ZCCHC2: variants seen among roughly 807,000 people sequenced by gnomAD.
ZCCHC2 encodes the protein zinc finger CCHC domain-containing protein 2.
A neutral mutation model predicts 103.6 loss-of-function variants in ZCCHC2; 39 were observed. The observed-to-expected ratio is 0.38, with a 90% CI of 0.29 to 0.49. The LOEUF (loss-of-function observed/expected upper bound fraction) is 0.49. ZCCHC2 is among the 20% of genes least tolerant of loss of function. The probability of loss-of-function intolerance (pLI) is 0.96; values close to 1 mark genes in which losing one functional copy is unlikely to be tolerated. For missense variants in ZCCHC2, 1,483 were observed against 1,491.0 expected, an observed-to-expected ratio of 0.99 and a Z score of 0.09; for synonymous variants, 687 against 608.9, an observed-to-expected ratio of 1.13 and a Z score of -1.89.
intron 11 of ZCCHC2, among the ~76,000 whole-genome samples, chr18:62,566,184 G>A (rs1010038701): frequency 2.6e-5 from 4 of 152,210 alleles, no homozygotes; most frequent in Non-Finnish European, 5.9e-5. Flanking sequence ...GGCAGAGGTT[G>A]CAATGAGCCA....
intron 6 of ZCCHC2, among the ~76,000 whole-genome samples, chr18:62,558,370 C>T (rs1386896978): frequency 6.6e-6 from 1 of 152,178 alleles, no homozygotes; most frequent in East Asian, 1.9e-4. Flanking sequence ...AAAACTGAAT[C>T]TTTACCACAC....
In ZCCHC2 at chr18:62,576,594, G is replaced by C; in HGVS notation, c.*15G>C. On this transcript the variant is annotated 3_prime_UTR_variant, in exon 14 of 14. Coordinates refer to ENST00000269499, the MANE Select transcript of ZCCHC2 (RefSeq NM_017742.6). ...CTGCAGACTGAAACGAGTAAAGCTT[G>C]CCTACTTAATACACTCAAGTGTGGG... 1 of 1,611,076 alleles carries C rather than the reference G, an allele frequency of 6.2e-7. No individual in the cohort carries two copies. The highest frequency in any genetic ancestry group is 8.5e-7 in the Non-Finnish European group (1 of 1,177,562).
intron 1 of ZCCHC2, 175 bp downstream of exon 1, chr18:62,524,538 G>T (rs913394384): frequency 1.9e-6 from 2 of 1,049,536 alleles, no homozygotes; most frequent in Admixed American, 3.7e-5. Context: ...GGGCCGCTCC[G>T]TTCCACTCCC....
At chr18:62,537,096 A>AT (rs1160581146) in intron 1 of ZCCHC2, among the ~76,000 whole-genome samples, 1 of 152,210 alleles carries the variant, frequency 6.6e-6, no homozygotes, top group Non-Finnish European at 1.5e-5. Flanking sequence ...GTCTCCAAAC[A>AT]TTCTATCATC....
At chr18:62,558,632 G>GT (rs1915989937) in intron 6 of ZCCHC2, 55 bp from the exon 7 acceptor site, 1 of 1,061,130 alleles carries the variant, frequency 9.4e-7, no homozygotes, top group Admixed American at 3.2e-5. Context: ...TATTATATTT[G>GT]TTTTCTTTAT....
chr18:62,572,169 G>T (rs1916622731), intron 12 of ZCCHC2, among the ~76,000 whole-genome samples: 1 of 152,134 alleles, frequency 6.6e-6, no homozygotes, highest in Non-Finnish European at 1.5e-5. Context: ...TCCTGCCTTG[G>T]CCTCCCAAAG....
chr18:62,551,587 A>G (rs993528760), intron 5 of ZCCHC2: 1 of 153,082 alleles, frequency 6.5e-6, no homozygotes, highest in Non-Finnish European at 1.5e-5. Flanking sequence ...GACAGGTGCC[A>G]TGGGAGTAAT....
chr18:62,570,201 A>C lies in ZCCHC2; in HGVS notation c.1945A>C (p.Ser649Arg). 6.2e-7 allele frequency: 1 copy of C among 1,611,686 alleles called. No homozygotes were observed. The highest frequency in any genetic ancestry group is 1.1e-5 in the South Asian group (1 of 90,400). ...PSSPRHDGRE[S>R]FESEEEKDRD... is the part of the protein sequence containing the mutation. ...TAGTCCCCGACATGATGGAAGAGAAAGTTTTGAAAGTGAAGAAGAGAAAGA... is the reference window on the plus strand; with the variant it reads ...TAGTCCCCGACATGATGGAAGAGAACGTTTTGAAAGTGAAGAAGAGAAAGA... Residue 649 changes from serine to arginine, a missense_variant, in exon 12 of 14, where the codon AGT (serine) becomes CGT (arginine). Transcript: ENST00000269499.
rs142697335 is a variant in ZCCHC2, at chr18:62,552,951, G to C, written c.1313+2491G>C. Among the ~76,000 whole-genome samples, 562 of 151,640 alleles carry C rather than the reference G, an allele frequency of 3.7e-3. 2 individuals carry two copies. The highest frequency in any genetic ancestry group is 0.013 in the African/African-American group (530 of 41,316). On this transcript the variant is annotated intron_variant, in intron 5 of 13. Coordinates refer to ENST00000269499, the MANE Select transcript of ZCCHC2 (RefSeq NM_017742.6). ...GTTAAAGCTTTTAGGATTCTCCTCA[G>C]CTTTGATCATACTTGGCCTCTTGTG...
intron 5 of ZCCHC2, 101 bp downstream of exon 5, chr18:62,550,561 T>G: frequency 1.2e-6 from 1 of 804,188 alleles, no homozygotes; most frequent in Non-Finnish European, 2.0e-6. Flanking sequence ...ATCCTTTCTC[T>G]GGCGTACTTC....
At chr18:62,555,808 CA>C (rs71160849) in intron 5 of ZCCHC2, among the ~76,000 whole-genome samples, 142 of 136,192 alleles carry the variant, frequency 1.0e-3, no homozygotes, top group Non-Finnish European at 8.7e-4. Flanking sequence ...AATTCAGTCT[CA>C]AAAAAAAAAA....
Position 62,570,294 on chromosome 18 carries a change from G to A in ZCCHC2, c.1975+63G>A, listed in dbSNP as rs137970511. On this transcript the variant is annotated intron_variant, in intron 12 of 13. Coordinates refer to ENST00000269499, the MANE Select transcript of ZCCHC2 (RefSeq NM_017742.6). ...GGGGTGGGGAAGTGGAGGGAAATGT[G>A]TGTTGTTTCTTCATGTCAAAGTCAA... 3.8e-5 allele frequency: 59 copies of A among 1,566,984 alleles called. No homozygotes were observed. In the African/African-American group the frequency reaches 6.1e-4, roughly 16 times the overall value.
chr18:62,524,419 C>A (rs1424233149), intron 1 of ZCCHC2, 56 bp downstream of exon 1: 3 of 1,426,482 alleles, frequency 2.1e-6, no homozygotes, highest in Non-Finnish European at 2.7e-6. Context: ...CCGGCGGCCT[C>A]CCCGGCCTCG....
intron 1 of ZCCHC2, among the ~76,000 whole-genome samples, chr18:62,536,372 C>G (rs34290411): frequency 0.18 from 27,819 of 152,186 alleles, 3,377 homozygotes; most frequent in Non-Finnish European, 0.27. Context: ...TTTCTTGATA[C>G]AAACAGAGAA....
chr18:62,527,993 C>T (rs947645673), intron 1 of ZCCHC2, among the ~76,000 whole-genome samples: 1 of 152,088 alleles, frequency 6.6e-6, no homozygotes, highest in Non-Finnish European at 1.5e-5. Context: ...GAGGTTTAGT[C>T]CCCAACTAGC....
In ZCCHC2 at chr18:62,560,614, A is replaced by C. The variant is rs778171889; in HGVS notation, c.1520A>C (p.Lys507Thr). 6.2e-7 allele frequency: 1 copy of C among 1,613,618 alleles called. No homozygotes were observed. Among genetic ancestry groups the C allele is most frequent in the Non-Finnish European group, 8.5e-7 (1 of 1,179,670 alleles). ...EDVLQHAIIH[K>T]KHTGKSPIVN... is the part of the protein sequence containing the mutation. ...GTGTTGCAGCATGCCATAATCCACA[A>C]GAAGCATACTGGGAAAAGTCCCATT... The change falls in exon 8 of 14, where the codon AAG (lysine) becomes ACG (threonine). Residue 507 changes from lysine (K) to threonine (T), a missense_variant. By Grantham distance (78) the Lys-to-Thr change is moderately conservative. Transcript: ENST00000269499.
At chr18:62,584,802 C>T (rs1196298866) in exon 15 of ZCCHC2, 1 of 152,276 alleles carries the variant, frequency 6.6e-6, no homozygotes, top group Non-Finnish European at 1.5e-5. Context: ...CCCTCGTTTT[C>T]TAGGAGAGAA....
intron 10 of ZCCHC2, 42 bp downstream of exon 10, chr18:62,564,677 A>G (rs1230772890): frequency 7.1e-7 from 1 of 1,400,176 alleles, no homozygotes. Context: ...GCCTTTGATA[A>G]TAGGCCTGTT....
rs1916789605 is a variant in ZCCHC2, at chr18:62,575,264, C to G, written c.3183C>G (p.Asn1061Lys). 6.2e-7 allele frequency: 1 copy of G among 1,613,898 alleles called. No individual in the cohort carries two copies. The highest frequency in any genetic ancestry group is 8.5e-7 in the Non-Finnish European group (1 of 1,179,900). Residue 1061 changes from asparagine (N) to lysine (K), a missense_variant, in exon 13 of 14, where the codon AAC (asparagine) becomes AAG (lysine). Asn to Lys is a moderately conservative substitution (Grantham distance 94). This residue lies in a region of ZCCHC2 where 884 missense variants were observed against 907.5 expected (regional missense o/e 0.97). Transcript: ENST00000269499. ...CCATTTGCAATGGCAGCTACCTCAA[C>G]CAAGCACATCAGAGCAATGGAAACC... ...LPSICNGSYL[N>K]QAHQSNGNQL...
Sources: allele counts gnomAD v4.1 joint callset (sites outside exome capture counted in the v4.1 genomes callset), GRCh38; gene constraint gnomAD v4.1.1; regional missense constraint gnomAD v4.1.1; transcripts MANE v1.5; gene names NCBI Gene and HGNC (gene_info 2026-07-23, HGNC 2026-07-21).